The following CDH18 variants were observed in gnomAD, a reference collection of about 807,000 sequenced individuals.
CDH18 encodes the protein cadherin 18.
A neutral mutation model predicts 67.9 loss-of-function variants in CDH18; 31 were observed. That is an observed-to-expected ratio of 0.46 (90% confidence interval 0.34 to 0.62). The LOEUF (loss-of-function observed/expected upper bound fraction) is 0.62, where lower values mean the gene tolerates loss of function less well. Among genes scored for constraint, CDH18 ranks in the 20% least tolerant of loss-of-function variants. The pLI is 0.01. For missense variants in CDH18, 890 were observed against 975.5 expected, an observed-to-expected ratio of 0.91 and a Z score of 1.17; for synonymous variants, 362 against 347.2, an observed-to-expected ratio of 1.04 and a Z score of -0.48.
chr5:20,336,724 CAAAAAAAAAAAAAA>C (rs59083214), intron 1 of CDH18, among the ~76,000 whole-genome samples: 24 of 63,478 alleles, frequency 3.8e-4, no homozygotes, highest in South Asian at 7.7e-4. Context: ...GCCTCTGTCT[CAAAAAAAAAAAAAA>C]AAAAAAAAAA....
chr5:19,505,064 C>T (rs1199911239), intron 10 of CDH18, among the ~76,000 whole-genome samples: 1 of 151,962 alleles, frequency 6.6e-6, no homozygotes, highest in African/African-American at 2.4e-5. Context: ...ATCTTTTTCA[C>T]TTTTTTACAG....
At position 20,017,173 on chromosome 5, in the gene CDH18, G is replaced by A. The variant is rs80255945; in HGVS notation, c.-517-25159C>T. ...TTTTTATTTCTGAAAAACTAAATAC[G>A]TACTGAAAAACCCTTGAATATTTAA... is the stretch of plus-strand genomic sequence containing the variant. On this transcript the variant is annotated intron_variant, in intron 2 of 14. Coordinates refer to the CDH18 transcript ENST00000507958. 6.4e-3 allele frequency among the ~76,000 whole-genome samples: 966 copies of A among 152,056 alleles called. 30 individuals carry two copies. The highest frequency in any genetic ancestry group is 0.051 in the East Asian group (261 of 5,156).
At chr5:19,854,624 C>A (rs571549554) in intron 2 of CDH18, among the ~76,000 whole-genome samples, 2 of 151,862 alleles carry the variant, frequency 1.3e-5, no homozygotes, top group Admixed American at 1.3e-4. Context: ...CATTTACAGA[C>A]GACTAGTAAA....
intron 1 of CDH18, among the ~76,000 whole-genome samples, chr5:20,306,675 T>G (rs113749435): frequency 0.022 from 3,281 of 152,298 alleles, 82 homozygotes; most frequent in African/African-American, 0.056. Flanking sequence ...CGTTAGTCCC[T>G]GAAGACTTTC....
intron 2 of CDH18, among the ~76,000 whole-genome samples, chr5:20,217,351 C>G (rs1740862847): frequency 6.6e-6 from 1 of 151,450 alleles, no homozygotes; most frequent in South Asian, 2.1e-4. Flanking sequence ...TGAGATACAA[C>G]AGAAATAAAA....
At chr5:20,099,276 A>C (rs1746254616) in intron 2 of CDH18, among the ~76,000 whole-genome samples, 2 of 152,168 alleles carry the variant, frequency 1.3e-5, no homozygotes, top group South Asian at 2.1e-4. Flanking sequence ...TGTAGGGATT[A>C]ACAATCCTGG....
At chr5:19,978,377 A>C (rs569361238) in intron 2 of CDH18, among the ~76,000 whole-genome samples, 3 of 152,108 alleles carry the variant, frequency 2.0e-5, no homozygotes, top group Non-Finnish European at 4.4e-5. Context: ...TTCCAGACTG[A>C]TAGTATAATT....
intron 2 of CDH18, 39 bp from the exon 3 acceptor site, chr5:19,839,281 G>GT (rs955120794): frequency 4.1e-5 from 14 of 339,290 alleles, no homozygotes; most frequent in East Asian, 1.8e-4. Context: ...ACAAAACACG[G>GT]TTTTTTTAAC....
chr5:19,503,960 C>A (rs1743677996), intron 10 of CDH18, among the ~76,000 whole-genome samples: 1 of 152,062 alleles, frequency 6.6e-6, no homozygotes, highest in Admixed American at 6.6e-5. Flanking sequence ...GAAGATAGAG[C>A]TGTGAAAATA....
intron 10 of CDH18, among the ~76,000 whole-genome samples, chr5:19,517,944 T>C (rs2126881722): frequency 6.6e-6 from 1 of 152,118 alleles, no homozygotes; most frequent in African/African-American, 2.4e-5. Context: ...TTACCAGTAA[T>C]TGAGATACTG....
At chr5:20,572,918 C>T (rs931887201) in intron 1 of CDH18, among the ~76,000 whole-genome samples, 2 of 152,100 alleles carry the variant, frequency 1.3e-5, no homozygotes, top group African/African-American at 4.8e-5. Flanking sequence ...TGTTAGATTT[C>T]AGACTGAGGG....
intron 2 of CDH18, among the ~76,000 whole-genome samples, chr5:19,867,759 A>G (rs1347604963): frequency 6.7e-6 from 1 of 148,866 alleles, no homozygotes; most frequent in Non-Finnish European, 1.5e-5. Context: ...TTCTAAATAC[A>G]CATTTTGGCA....
chr5:20,034,694 A>G (rs753755915), intron 2 of CDH18, among the ~76,000 whole-genome samples: 2 of 151,942 alleles, frequency 1.3e-5, no homozygotes, highest in Admixed American at 6.6e-5. Context: ...GGTTCTTAAG[A>G]CTTGGATTCT....
chr5:19,593,707 C>CCTCCTCCTTCTTCTT lies in CDH18; in HGVS notation c.812-2464_812-2463insAAGAAGAAGGAGGAG. Among the ~76,000 whole-genome samples the CCTCCTCCTTCTTCTT allele has an allele frequency of 1.1e-3, 36 of 33,392 alleles. 2 individuals carry two copies. The highest frequency in any genetic ancestry group is 3.9e-3 in the African/African-American group (34 of 8,612). The allele number at this position is 33,392 out of a possible 152,430, so 21.9% of individuals were successfully genotyped here. ...TCCTTCTCTTCCTCTTCCTCCTCCT[C>CCTCCTCCTTCTTCTT]CTTCTTCTTCTTCTTCTTCTTCTTC... is the stretch of plus-strand genomic sequence containing the variant. On this transcript the variant is annotated intron_variant, in intron 6 of 12. Coordinates refer to ENST00000382275, the MANE Select transcript of CDH18 (RefSeq NM_004934.5).
At chr5:19,530,817 T>G (rs1748481503) in intron 9 of CDH18, among the ~76,000 whole-genome samples, 1 of 152,262 alleles carries the variant, frequency 6.6e-6, no homozygotes, top group Non-Finnish European at 1.5e-5. Flanking sequence ...CCATATTTTC[T>G]TAATCCAGTC....
intron 3 of CDH18, among the ~76,000 whole-genome samples, chr5:19,819,699 T>A (rs1779658550): frequency 6.6e-6 from 1 of 152,010 alleles, no homozygotes; most frequent in African/African-American, 2.4e-5. Context: ...CCCAAAAGGT[T>A]TTGTGTGGGA....
At chr5:20,138,083 G>A (rs530103070) in intron 2 of CDH18, among the ~76,000 whole-genome samples, 16 of 151,888 alleles carry the variant, frequency 1.1e-4, no homozygotes, top group East Asian at 7.7e-4. Flanking sequence ...CTGGCAAACC[G>A]AATCCGGCAG....
chr5:20,161,285 C>T (rs1000476884), intron 2 of CDH18, among the ~76,000 whole-genome samples: 2 of 152,214 alleles, frequency 1.3e-5, no homozygotes, highest in Admixed American at 1.3e-4. Flanking sequence ...TCACATGACA[C>T]TGGCTCCTTT....
chr5:20,322,958 T>TTTGGTGGATTAATTA (rs1738179361), intron 1 of CDH18, among the ~76,000 whole-genome samples: 5 of 152,072 alleles, frequency 3.3e-5, no homozygotes, highest in Admixed American at 2.0e-4. Flanking sequence ...TATAAAAATC[T>TTTGGTGGATTAATTA]AGATAGAATA....
Sources: gnomAD v4.1 joint callset for allele counts (sites outside exome capture counted in the v4.1 genomes callset) on GRCh38, gnomAD v4.1.1 for gene constraint, MANE v1.5 for transcripts, NCBI Gene and HGNC (gene_info 2026-07-23, HGNC 2026-07-21) for gene names.